Variants in PTAR1 observed in about 807,000 individuals in gnomAD.
PTAR1 encodes the protein protein prenyltransferase alpha subunit repeat containing 1.
In PTAR1, 17 loss-of-function variants were observed where a neutral mutation model predicts 45.5. The ratio of observed to expected loss-of-function variants is 0.37; its 90% CI spans 0.26 to 0.56. The LOEUF (loss-of-function observed/expected upper bound fraction) is 0.56, where lower values mean the gene tolerates loss of function less well. PTAR1 is among the 20% of genes least tolerant of loss of function. PTAR1 has a pLI of 0.77. For missense variants in PTAR1, 391 were observed against 476.3 expected, an observed-to-expected ratio of 0.82 and a Z score of 1.67; for synonymous variants, 169 against 171.3, an observed-to-expected ratio of 0.99 and a Z score of 0.11.
intron 3 of PTAR1, among the ~76,000 whole-genome samples, chr9:69,738,087 T>C (rs557975088): frequency 5.3e-5 from 8 of 152,368 alleles, no homozygotes; most frequent in South Asian, 2.1e-4. Flanking sequence ...TTGGTAGTTA[T>C]GTCTCCTTAT....
chr9:69,758,859 TA>T (rs34814489), intron 1 of PTAR1, among the ~76,000 whole-genome samples: 82,299 of 144,834 alleles, frequency 0.57, 23,448 homozygotes, highest in African/African-American at 0.62. Context: ...AATAATAAAC[TA>T]AAAAAAAAAA....
In PTAR1 at chr9:69,717,486, T is replaced by C. The variant is rs1824775083; in HGVS notation, c.*856A>G. 6.6e-6 allele frequency: 1 copy of C among 152,180 alleles called. No individual in the cohort carries two copies. The highest frequency in any genetic ancestry group is 2.4e-5 in the African/African-American group (1 of 41,448). The allele number at this position is 152,180 out of a possible 1,614,324, so 9.4% of individuals were successfully genotyped here. On this transcript the variant is annotated 3_prime_UTR_variant, in exon 8 of 8. Transcript: ENST00000340434. ...GCAATTACATAAACTCTTAAGTTAG[T>C]TTTTTCTTAAATAACCATTTAAAAA...
rs370083680 is a variant in PTAR1 at position 69,713,920 on chromosome 9, G to A, written c.*4422C>T. Reference sequence around the variant, plus strand: ...GCGATGGGAATAAATAAAACAATGGGCCACAATCAACTGTTTGATAAAACT... The same window carrying A: ...GCGATGGGAATAAATAAAACAATGGACCACAATCAACTGTTTGATAAAACT... On this transcript the variant is annotated 3_prime_UTR_variant, in exon 8 of 8. Coordinates refer to ENST00000340434, the MANE Select transcript of PTAR1 (RefSeq NM_001099666.2). 104 of 152,140 alleles carry A rather than the reference G, an allele frequency of 6.8e-4. No individual in the cohort carries two copies. Among genetic ancestry groups the A allele is most frequent in the African/African-American group, 2.3e-3 (94 of 41,522 alleles). 9.4% of individuals were successfully genotyped at this position (152,140 alleles called of 1,614,324 possible).
intron 5 of PTAR1, among the ~76,000 whole-genome samples, chr9:69,727,724 T>C (rs1412313434): frequency 2.0e-5 from 3 of 152,182 alleles, no homozygotes; most frequent in African/African-American, 7.2e-5. Context: ...ACAATTTTAA[T>C]TACTCTGTCT....
At chr9:69,756,324 G>A (rs559436660) in intron 1 of PTAR1, among the ~76,000 whole-genome samples, 1 of 152,076 alleles carries the variant, frequency 6.6e-6, no homozygotes, top group South Asian at 2.1e-4. Flanking sequence ...AATCTAAATT[G>A]GGTCTCCCTG....
intron 3 of PTAR1, among the ~76,000 whole-genome samples, chr9:69,738,167 A>G (rs1457824451): frequency 6.6e-6 from 1 of 152,110 alleles, no homozygotes; most frequent in African/African-American, 2.4e-5. Context: ...TGGGTCAGGT[A>G]TTTTGTATAA....
rs1258046879 is a variant in PTAR1, at chr9:69,713,271, C to T, written c.*5071G>A. 4 of 151,786 alleles carry T rather than the reference C, an allele frequency of 2.6e-5. No homozygotes were observed. Among genetic ancestry groups the T allele is most frequent in the Non-Finnish European group, 5.9e-5 (4 of 67,924 alleles). 9.4% of individuals were successfully genotyped at this position (151,786 alleles called of 1,614,324 possible). On this transcript the variant is annotated 3_prime_UTR_variant, in exon 8 of 8. Transcript: ENST00000340434. ...GAGTAGAGAAGTCAAAGTTGGGAGC[C>T]TGAGGTTTCCTCTCCCACCTGAGAT...
At chr9:69,744,107 T>C (rs1332051729) in intron 2 of PTAR1, among the ~76,000 whole-genome samples, 5 of 152,148 alleles carry the variant, frequency 3.3e-5, no homozygotes, top group Admixed American at 6.5e-5. Flanking sequence ...ACTGGTAAAA[T>C]GTACCAGGAA....
chr9:69,758,068 A>C (rs1475186824), intron 1 of PTAR1: 1 of 152,212 alleles, frequency 6.6e-6, no homozygotes, highest in Non-Finnish European at 1.5e-5. Flanking sequence ...TAAATTATAC[A>C]TTGAGGATAT....
chr9:69,741,876 C>T lies in PTAR1; in HGVS notation c.257-18G>A, dbSNP rs1826058285. ...TATCAATTCTAAAATAAAGAGAAGT[C>T]ATATTAAAAACAAATAGTCCTACCT... is the stretch of plus-strand genomic sequence containing the variant. On this transcript the variant is annotated intron_variant, in intron 2 of 7. Coordinates refer to ENST00000340434, the MANE Select transcript of PTAR1 (RefSeq NM_001099666.2). 2 of 1,522,966 alleles carry T rather than the reference C, an allele frequency of 1.3e-6. No homozygotes were observed. Among genetic ancestry groups the T allele is most frequent in the East Asian group, 4.7e-5 (2 of 42,786 alleles). The allele number at this position is 1,522,966 out of a possible 1,614,324, so 94.3% of individuals were successfully genotyped here.
chr9:69,758,901 G>T (rs1162720515), intron 1 of PTAR1, among the ~76,000 whole-genome samples: 1 of 149,076 alleles, frequency 6.7e-6, no homozygotes, highest in Non-Finnish European at 1.5e-5. Context: ...TAGCTAAAAT[G>T]AAAGTAATGC....
At position 69,718,258 on chromosome 9, in the gene PTAR1, T is replaced by C; in HGVS notation, c.*84A>G. ...AGAACATATGGTTAGCCAATAATAG[T>C]AAACAGTTCATGCAACTATGTAAAT... On this transcript the variant is annotated 3_prime_UTR_variant, in exon 8 of 8. Coordinates refer to ENST00000340434, the MANE Select transcript of PTAR1 (RefSeq NM_001099666.2). The C allele has an allele frequency of 1.1e-6, 1 of 919,612 alleles. No individual in the cohort carries two copies. Among genetic ancestry groups the C allele is most frequent in the Non-Finnish European group, 1.6e-6 (1 of 617,058 alleles). The allele number at this position is 919,612 out of a possible 1,614,324, so 57.0% of individuals were successfully genotyped here.
Position 69,754,532 on chromosome 9 carries a change from CTTTTTT to C in PTAR1, c.87-3588_87-3583del, listed in dbSNP as rs60025062. 3.1e-4 allele frequency among the ~76,000 whole-genome samples: 24 copies of C among 76,268 alleles called. 1 individual carries two copies. Among genetic ancestry groups the C allele is most frequent in the East Asian group, 1.6e-3 (4 of 2,472 alleles). The allele number at this position is 76,268 out of a possible 152,430, so 50.0% of individuals were successfully genotyped here. ...GCTATTAACATGTTTGGGTATATAT[CTTTTTT>C]TTTTTTTTTTTTTTTTTCCTGAGAC... On this transcript the variant is annotated intron_variant, in intron 1 of 7. Coordinates refer to ENST00000340434, the MANE Select transcript of PTAR1 (RefSeq NM_001099666.2).
intron 1 of PTAR1, among the ~76,000 whole-genome samples, chr9:69,759,314 T>C (rs1025379693): frequency 2.6e-5 from 4 of 152,090 alleles, no homozygotes; most frequent in African/African-American, 9.7e-5. Flanking sequence ...CAAAACACAA[T>C]GTATTATCGG....
At chr9:69,722,116 T>C (rs1484590633) in intron 6 of PTAR1, among the ~76,000 whole-genome samples, 1 of 152,140 alleles carries the variant, frequency 6.6e-6, no homozygotes, top group Non-Finnish European at 1.5e-5. Flanking sequence ...TGAATATATT[T>C]AGTAAGGAAA....
chr9:69,730,211 A>G (rs924669633), intron 5 of PTAR1, among the ~76,000 whole-genome samples: 1 of 152,068 alleles, frequency 6.6e-6, no homozygotes, highest in Admixed American at 6.6e-5. Context: ...GTCTTCCTCC[A>G]AGGGCGGGTC....
At chr9:69,758,174 T>C (rs1409426640) in intron 1 of PTAR1, 1 of 152,212 alleles carries the variant, frequency 6.6e-6, no homozygotes, top group Non-Finnish European at 1.5e-5. Context: ...TGGGACATGT[T>C]CCAAACTGCA....
At chr9:69,746,842 G>A (rs1826295709) in intron 2 of PTAR1, among the ~76,000 whole-genome samples, 2 of 152,204 alleles carry the variant, frequency 1.3e-5, no homozygotes, top group African/African-American at 2.4e-5. Flanking sequence ...AATGGCCCAA[G>A]GCCAGTAGTC....
At position 69,715,372 on chromosome 9, in the gene PTAR1, ATTAAT is replaced by A. The variant is rs1824686766; in HGVS notation, c.*2965_*2969del. On this transcript the variant is annotated 3_prime_UTR_variant, in exon 8 of 8. Coordinates refer to ENST00000340434, the MANE Select transcript of PTAR1 (RefSeq NM_001099666.2). Reference sequence around the variant, plus strand: ...ATCTTTCTCTTCCTGTTAGTCATTCATTAATTTAATAAATATTTAATGAGTCCTCA... The same window carrying A: ...ATCTTTCTCTTCCTGTTAGTCATTCATTAATAAATATTTAATGAGTCCTCA... 2 of 152,102 alleles carry A rather than the reference ATTAAT, an allele frequency of 1.3e-5. No homozygotes were observed. The highest frequency in any genetic ancestry group is 1.3e-4 in the Admixed American group (2 of 15,244). 9.4% of individuals were successfully genotyped at this position (152,102 alleles called of 1,614,324 possible).
Sources: allele counts gnomAD v4.1 joint callset (sites outside exome capture counted in the v4.1 genomes callset), GRCh38; gene constraint gnomAD v4.1.1; transcripts MANE v1.5; gene names NCBI Gene and HGNC (gene_info 2026-07-23, HGNC 2026-07-21).